The following TFRC variants were observed in gnomAD, a reference collection of about 807,000 sequenced individuals.
TFRC encodes transferrin receptor protein 1.
A neutral mutation model predicts 85.8 loss-of-function variants in TFRC; 35 were observed. That is an observed-to-expected ratio of 0.41 (90% confidence interval 0.31 to 0.54). The LOEUF is 0.54. TFRC is among the 20% of genes least tolerant of loss of function. TFRC has a pLI of 0.31. For missense variants in TFRC, 828 were observed against 921.5 expected (o/e 0.90, Z 1.31); for synonymous variants, 362 against 328.6 (o/e 1.10, Z -1.10).
intron 18 of TFRC, 89 bp downstream of exon 18, chr3:196,053,329 T>C: frequency 7.0e-7 from 1 of 1,437,908 alleles, no homozygotes; most frequent in Admixed American, 1.7e-5. Flanking sequence ...AATTCTAGAC[T>C]CCTAGAGTTT....
chr3:196,059,595 CTTTT>C (rs140600203), intron 14 of TFRC, among the ~76,000 whole-genome samples: 1 of 151,752 alleles, frequency 6.6e-6, no homozygotes, highest in Non-Finnish European at 1.5e-5. Flanking sequence ...CAAATATTTT[CTTTT>C]TTATTTATTT....
chr3:196,059,605 T>G (rs1717099950), intron 14 of TFRC, among the ~76,000 whole-genome samples: 2 of 151,848 alleles, frequency 1.3e-5, no homozygotes, highest in Admixed American at 1.3e-4. Flanking sequence ...CTTTTTTATT[T>G]ATTTATTTAT....
In TFRC at chr3:196,065,434, G is replaced by GGGGGGGGGGT; in HGVS notation, c.1198+8_1198+9insACCCCCCCCC. ...AAGCGGGGCGGGGGGGGGGGGGGGC[G>GGGGGGGGGGT]GTCTTTACCTGGTTCTACAAAGCCT... On this transcript the variant is annotated intron_variant, in intron 10 of 18. Transcript: ENST00000360110. The GGGGGGGGGGT allele has an allele frequency of 4.8e-6, 3 of 621,568 alleles. No individual in the cohort carries two copies. The highest frequency in any genetic ancestry group is 6.6e-6 in the Non-Finnish European group (3 of 454,806). The allele number at this position is 621,568 out of a possible 1,614,324, so 38.5% of individuals were successfully genotyped here. A position where few individuals can be genotyped will look rare whatever the true frequency, so the allele number is the denominator to read the frequency against.
intron 2 of TFRC, among the ~76,000 whole-genome samples, chr3:196,076,123 C>G (rs1444745197): frequency 6.6e-6 from 1 of 151,734 alleles, no homozygotes; most frequent in East Asian, 1.9e-4. Flanking sequence ...GGCAACAGAG[C>G]CCAGGCTGAG....
chr3:196,077,589 T>C (rs557213299), intron 1 of TFRC, among the ~76,000 whole-genome samples: 1 of 152,028 alleles, frequency 6.6e-6, no homozygotes, highest in Non-Finnish European at 1.5e-5. Context: ...CTGTCTCTAC[T>C]AAAAATACAA....
intron 2 of TFRC, among the ~76,000 whole-genome samples, chr3:196,076,802 G>A (rs1440556503): frequency 6.6e-6 from 1 of 152,020 alleles, no homozygotes. Context: ...TTTGATCAGG[G>A]CTTTAATTCG....
intron 2 of TFRC, among the ~76,000 whole-genome samples, chr3:196,076,280 C>T (rs1718686141): frequency 1.3e-5 from 2 of 151,982 alleles, no homozygotes; most frequent in Non-Finnish European, 2.9e-5. Context: ...TCAGCTTTCA[C>T]TCATACTGTC....
chr3:196,063,112 C>T, intron 11 of TFRC, 173 bp from the exon 12 acceptor site: 1 of 554,840 alleles, frequency 1.8e-6, no homozygotes, highest in South Asian at 2.4e-5. Flanking sequence ...TTTTTGAGAC[C>T]CCAGGTAAAA....
At chr3:196,063,665 T>C (rs1717468427) in intron 11 of TFRC, among the ~76,000 whole-genome samples, 1 of 152,108 alleles carries the variant, frequency 6.6e-6, no homozygotes, top group South Asian at 2.1e-4. Flanking sequence ...GCACGGTGGC[T>C]CACTAGCAGC....
rs1179412730 is a variant in TFRC at position 196,052,189 on chromosome 3, G to A, written c.2041-5C>T. 5 of 1,611,046 alleles carry A rather than the reference G, an allele frequency of 3.1e-6. No individual in the cohort carries two copies. The highest frequency in any genetic ancestry group is 3.3e-5 in the Admixed American group (2 of 59,784). The stretch of plus-strand genomic sequence containing the variant: ...AGAGAGGAAGTGATACTCCACCTAC[G>A]AAAACAACACACAAGGCAATTTACA... On this transcript the variant is annotated splice_polypyrimidine_tract_variant and splice_region_variant and intron_variant, in intron 18 of 18. Transcript: ENST00000360110.
At position 196,052,022 on chromosome 3, in the gene TFRC, A is replaced by G. The variant is rs1716350949; in HGVS notation, c.2203T>C (p.Leu735=). 1 of 1,614,220 alleles carries G rather than the reference A, an allele frequency of 6.2e-7. No individual in the cohort carries two copies. Among genetic ancestry groups the G allele is most frequent in the Non-Finnish European group, 8.5e-7 (1 of 1,180,038 alleles). The change falls in exon 19 of 19, where the codon TTG becomes CTG. Residue 735 remains leucine (L), a synonymous_variant. Coordinates refer to ENST00000360110, the MANE Select transcript of TFRC (RefSeq NM_001128148.3). ...TGAATAGTCCAAGTAGCTAGAGCCA[A>G]CTGGTTTCTGAACAGCGTTTCATTA... ...AFNETLFRNQ[L]ALATWTIQGA... is the part of the protein sequence containing the mutation.
chr3:196,051,980 G>C lies in TFRC; in HGVS notation c.2245C>G (p.Leu749Val), dbSNP rs1334917022. Residue 749 changes from leucine (L) to valine (V), a missense_variant, in exon 19 of 19, where the codon CTC becomes GTC. Coordinates refer to ENST00000360110, the MANE Select transcript of TFRC (RefSeq NM_001128148.3). ...TCAATGTCCCAAACGTCACCAGAGA[G>C]GGCATTTGCAGCTCCCTGAATAGTC... ...TWTIQGAANA[L>V]SGDVWDIDNE... 1 of 1,614,162 alleles carries C rather than the reference G, an allele frequency of 6.2e-7. No individual in the cohort carries two copies. The highest frequency in any genetic ancestry group is 1.1e-5 in the South Asian group (1 of 91,076).
Position 196,053,578 on chromosome 3 carries a change from C to T in TFRC, c.1900-20G>A. ...CATTTCCTGAAACAGACATTATTCG[C>T]TATGAGAAGTTTTATTTCTAAGGAC... On this transcript the variant is annotated intron_variant, in intron 17 of 18. Coordinates refer to ENST00000360110, the MANE Select transcript of TFRC (RefSeq NM_001128148.3). The T allele has an allele frequency of 6.2e-7, 1 of 1,612,430 alleles. No homozygotes were observed. Among genetic ancestry groups the T allele is most frequent in the Non-Finnish European group, 8.5e-7 (1 of 1,178,878 alleles).
At chr3:196,067,820 G>C (rs1044212314) in intron 8 of TFRC, among the ~76,000 whole-genome samples, 163 bp from the exon 9 acceptor site, 2 of 152,200 alleles carry the variant, frequency 1.3e-5, no homozygotes, top group African/African-American at 4.8e-5. Flanking sequence ...ATGGCATATG[G>C]AAATTCTCAA....
intron 16 of TFRC, among the ~76,000 whole-genome samples, chr3:196,056,010 C>T (rs1251953294): frequency 6.6e-6 from 1 of 152,082 alleles, no homozygotes; most frequent in Non-Finnish European, 1.5e-5. Context: ...CTCTCTGTCA[C>T]CCAGGCTGGA....
chr3:196,069,500 T>A lies in TFRC; in HGVS notation c.756A>T (p.Gly252=), dbSNP rs775942961. The change falls in exon 7 of 19, where the codon GGA becomes GGT. Residue 252 remains glycine, a synonymous_variant. Coordinates refer to ENST00000360110, the MANE Select transcript of TFRC (RefSeq NM_001128148.3). ...DFEDLYTPVN[G]SIVIVRAGKI... ...TCCCTGCTCTGACAATCACTATAGA[T>A]CCATTCACAGGAGTGTATAAATCCT... 2.5e-6 allele frequency: 4 copies of A among 1,613,710 alleles called. 1 individual carries two copies. The Admixed American group carries it at 6.7e-5, about 27-fold the overall frequency.
intron 1 of TFRC, among the ~76,000 whole-genome samples, chr3:196,081,366 G>C (rs1020398592): frequency 6.6e-6 from 1 of 152,216 alleles, no homozygotes; most frequent in Non-Finnish European, 1.5e-5. Context: ...AGAGCCGAAG[G>C]GTAAGTTTAC....
At chr3:196,080,635 TCGCCTTAGGGCGG>T in intron 1 of TFRC, among the ~76,000 whole-genome samples, 1 of 152,388 alleles carries the variant, frequency 6.6e-6, no homozygotes, top group African/African-American at 2.4e-5. Context: ...AGTAACTGCC[TCGCCTTAGGGCGG>T]AGTTAGCCAA....
At position 196,051,963 on chromosome 3, in the gene TFRC, C is replaced by G. The variant is rs78338835; in HGVS notation, c.2262G>C (p.Trp754Cys). ...GAANALSGDVWDIDNEF is the reference protein window; with the variant it reads ...GAANALSGDVCDIDNEF ...ACATTTAAAACTCATTGTCAATGTC[C>G]CAAACGTCACCAGAGAGGGCATTTG... Residue 754 changes from tryptophan to cysteine, a missense_variant, in exon 19 of 19, where the codon TGG (tryptophan) becomes TGC (cysteine). Coordinates refer to ENST00000360110, the MANE Select transcript of TFRC (RefSeq NM_001128148.3). The G allele has an allele frequency of 1.2e-6, 2 of 1,614,138 alleles. No individual in the cohort carries two copies. The highest frequency in any genetic ancestry group is 1.7e-6 in the Non-Finnish European group (2 of 1,180,016).
Sources: gnomAD v4.1 joint callset for allele counts (sites outside exome capture counted in the v4.1 genomes callset) on GRCh38, gnomAD v4.1.1 for gene constraint, MANE v1.5 for transcripts, NCBI Gene and HGNC (gene_info 2026-07-23, HGNC 2026-07-21) for gene names.